KPNA5: variants seen among roughly 807,000 people sequenced by gnomAD.
KPNA5 encodes karyopherin subunit alpha 5.
Under a neutral mutation model 71.3 loss-of-function variants are expected in KPNA5, and 46 were observed. The ratio of observed to expected loss-of-function variants is 0.65; its 90% CI spans 0.51 to 0.83. The LOEUF (loss-of-function observed/expected upper bound fraction) is 0.83. Among genes scored for constraint, KPNA5 ranks in the 40% least tolerant of loss-of-function variants. The pLI, the probability that KPNA5 is intolerant of heterozygous loss-of-function variation, is 0.00. For synonymous variants in KPNA5, 207 were observed against 201.4 expected (o/e 1.03, Z -0.24); for missense variants, 547 against 628.3 (o/e 0.87, Z 1.38).
In KPNA5 at chr6:116,738,574, T is replaced by C; in HGVS notation, c.*6251T>C. The C allele has an allele frequency of 6.6e-6, 1 of 152,136 alleles. No individual in the cohort carries two copies. The highest frequency in any genetic ancestry group is 1.9e-4 in the East Asian group (1 of 5,194). The allele number at this position is 152,136 out of a possible 1,614,324, so 9.4% of individuals were successfully genotyped here. On this transcript the variant is annotated 3_prime_UTR_variant, in exon 14 of 14. Transcript: ENST00000368564. ...AAAGAGAATTTTAGACCAATATCCTTGGTGAACATTGATGCAAAAATCCTC... is the reference window on the plus strand; with the variant it reads ...AAAGAGAATTTTAGACCAATATCCTCGGTGAACATTGATGCAAAAATCCTC...
In KPNA5 at chr6:116,698,703, G is replaced by T; in HGVS notation, c.341-1G>T. The T allele has an allele frequency of 6.4e-7, 1 of 1,558,118 alleles. No individual in the cohort carries two copies. Among genetic ancestry groups the T allele is most frequent in the South Asian group, 1.2e-5 (1 of 85,386 alleles). ...TAACTGAAGTCTTTTTAAATTTTTA[G>T]AACCTAATCCACCAATAGATCAAGT... On this transcript the variant is annotated splice_acceptor_variant, in intron 4 of 13. Coordinates refer to ENST00000368564, the MANE Select transcript of KPNA5 (RefSeq NM_001366306.2). LOFTEE classifies it high-confidence loss of function.
rs1323179357 is a variant in KPNA5, at chr6:116,735,221, C to T, written c.*2898C>T. 2 of 151,588 alleles carry T rather than the reference C, an allele frequency of 1.3e-5. No individual in the cohort carries two copies. Among genetic ancestry groups the T allele is most frequent in the Admixed American group, 1.3e-4 (2 of 15,158 alleles). The allele number at this position is 151,588 out of a possible 1,614,324, so 9.4% of individuals were successfully genotyped here. The stretch of plus-strand genomic sequence containing the variant: ...ACATATCATTTGGTAACTGTAAAAC[C>T]TATTTGCAGTTAAAGGTTGATTTAT... On this transcript the variant is annotated 3_prime_UTR_variant, in exon 14 of 14. Coordinates refer to ENST00000368564, the MANE Select transcript of KPNA5 (RefSeq NM_001366306.2).
rs1311280837 is a variant in KPNA5 at position 116,734,126 on chromosome 6, A to G, written c.*1803A>G. 20 of 151,774 alleles carry G rather than the reference A, an allele frequency of 1.3e-4. No homozygotes were observed. Among genetic ancestry groups the G allele is most frequent in the East Asian group, 1.9e-4 (1 of 5,200 alleles). The allele number at this position is 151,774 out of a possible 1,614,324, so 9.4% of individuals were successfully genotyped here. On this transcript the variant is annotated 3_prime_UTR_variant, in exon 14 of 14. Transcript: ENST00000368564. ...TGTATTCAAAAAACAGGGTAGTTAT[A>G]TTAAAGCTTACCAAATTGATGGTGA... is the stretch of plus-strand genomic sequence containing the variant.
intron 6 of KPNA5, among the ~76,000 whole-genome samples, chr6:116,702,794 G>A (rs989003820): frequency 6.6e-6 from 1 of 152,118 alleles, no homozygotes; most frequent in African/African-American, 2.4e-5. Flanking sequence ...AGATTATTTT[G>A]TTGTTTGTTT....
chr6:116,732,077 TATATATATA>T (rs1562458642), intron 13 of KPNA5, 50 bp from the exon 14 acceptor site: 2,175 of 144,732 alleles, frequency 0.015, 180 homozygotes, highest in African/African-American at 0.043. Context: ...AGTTTGTTTA[TATATATATA>T]TATATATATA....
chr6:116,685,864 C>T (rs1054699798), intron 1 of KPNA5, among the ~76,000 whole-genome samples: 1 of 152,170 alleles, frequency 6.6e-6, no homozygotes, highest in African/African-American at 2.4e-5. Context: ...AATTGCCACA[C>T]TGCTTTCCAC....
chr6:116,708,619 G>A (rs970473386), intron 7 of KPNA5, among the ~76,000 whole-genome samples: 3 of 152,038 alleles, frequency 2.0e-5, no homozygotes, highest in Non-Finnish European at 4.4e-5. Flanking sequence ...ACAACATTTT[G>A]TAGATTTTAG....
At chr6:116,723,564 G>A (rs952792749) in intron 9 of KPNA5, among the ~76,000 whole-genome samples, 23 of 152,082 alleles carry the variant, frequency 1.5e-4, no homozygotes, top group African/African-American at 4.8e-4. Flanking sequence ...CTATTTGAAG[G>A]GGTTCTCACT....
chr6:116,736,987 G>C lies in KPNA5; in HGVS notation c.*4664G>C. On this transcript the variant is annotated 3_prime_UTR_variant, in exon 14 of 14. Coordinates refer to ENST00000368564, the MANE Select transcript of KPNA5 (RefSeq NM_001366306.2). ...AGCAAGTATAATAGCTGTTTGAATGGCCTTGCTACTAATTCTGTCATTTCT... is the reference window on the plus strand; with the variant it reads ...AGCAAGTATAATAGCTGTTTGAATGCCCTTGCTACTAATTCTGTCATTTCT... 1 of 151,694 alleles carries C rather than the reference G, an allele frequency of 6.6e-6. No homozygotes were observed. Among genetic ancestry groups the C allele is most frequent in the East Asian group, 1.9e-4 (1 of 5,180 alleles). The allele number at this position is 151,694 out of a possible 1,614,324, so 9.4% of individuals were successfully genotyped here.
intron 8 of KPNA5, among the ~76,000 whole-genome samples, chr6:116,717,479 C>A (rs917231331): frequency 6.6e-6 from 1 of 152,004 alleles, no homozygotes; most frequent in African/African-American, 2.4e-5. Context: ...ACTGTGGTAC[C>A]GGTGGAAGGT....
intron 8 of KPNA5, among the ~76,000 whole-genome samples, chr6:116,716,837 TA>T (rs1341040956): frequency 1.3e-5 from 2 of 152,164 alleles, no homozygotes; most frequent in African/African-American, 4.8e-5. Flanking sequence ...ATTTAGTATC[TA>T]AAATGGCACA....
At chr6:116,723,568 T>C (rs1779193160) in intron 9 of KPNA5, among the ~76,000 whole-genome samples, 2 of 152,190 alleles carry the variant, frequency 1.3e-5, no homozygotes, top group Admixed American at 1.3e-4. Context: ...TTGAAGGGGT[T>C]CTCACTATCC....
Position 116,726,636 on chromosome 6 carries a change from T to C in KPNA5, c.1253+14T>C. On this transcript the variant is annotated intron_variant, in intron 12 of 13. Coordinates refer to ENST00000368564, the MANE Select transcript of KPNA5 (RefSeq NM_001366306.2). ...AGAGCAAATAAGGTATGATATAAAC[T>C]TCTTAATTGTTTTTTACATGTAAAT... The C allele has an allele frequency of 6.5e-7, 1 of 1,539,566 alleles. No homozygotes were observed. Among genetic ancestry groups the C allele is most frequent in the Non-Finnish European group, 8.7e-7 (1 of 1,150,126 alleles).
rs1482310017 is a variant in KPNA5, at chr6:116,722,146, C to T, written c.777C>T (p.Val259=). 7 of 1,587,964 alleles carry T rather than the reference C, an allele frequency of 4.4e-6. No individual in the cohort carries two copies. The highest frequency in any genetic ancestry group is 6.0e-6 in the Non-Finnish European group (7 of 1,166,246). Residue 259 remains valine (V), a synonymous_variant, in exon 9 of 14, where the codon GTC becomes GTT. Transcript: ENST00000368564. The stretch of plus-strand genomic sequence containing the variant: ...TACAGGTTTCACCTTGCTTAAATGT[C>T]CTGTCACGACTGTTGTTTAGCAGTG... ...NFSKVSPCLN[V]LSRLLFSSDP... is the part of the protein sequence containing the mutation.
chr6:116,709,215 A>C (rs1018601505), intron 7 of KPNA5, among the ~76,000 whole-genome samples: 7 of 152,204 alleles, frequency 4.6e-5, no homozygotes, highest in African/African-American at 1.7e-4. Flanking sequence ...ATTGCTGAGC[A>C]TAATGGCACA....
At chr6:116,712,703 G>A (rs553125757) in intron 7 of KPNA5, among the ~76,000 whole-genome samples, 28 of 152,196 alleles carry the variant, frequency 1.8e-4, no homozygotes, top group African/African-American at 6.0e-4. Flanking sequence ...GGCCTCAAGC[G>A]ATTCTCCTGC....
In KPNA5 at chr6:116,692,144, A is replaced by G. The variant is rs940120003; in HGVS notation, c.228A>G (p.Val76=). 6.2e-7 allele frequency: 1 copy of G among 1,604,742 alleles called. No individual in the cohort carries two copies. Among genetic ancestry groups the G allele is most frequent in the African/African-American group, 1.3e-5 (1 of 74,716 alleles). Residue 76 remains valine (V), a synonymous_variant, in exon 3 of 14, where the codon GTA becomes GTG. Coordinates refer to ENST00000368564, the MANE Select transcript of KPNA5 (RefSeq NM_001366306.2). ...AGGATCCAGATATTAGTTCCACTGT[A>G]CCCATTCCAGAGGTATACTTTACCA... The part of the protein sequence containing the change: ...PIQDPDISST[V]PIPEEEVVTT...
At position 116,711,500 on chromosome 6, in the gene KPNA5, TG is replaced by T. The variant is rs200688913; in HGVS notation, c.657-4718del. On this transcript the variant is annotated intron_variant, in intron 7 of 13. Transcript: ENST00000368564. ...TCACTACATCCCTTAAGTTTTGGTG[TG>T]TTTTTTTTTTTATTTATCTCAAAGT... Among the ~76,000 whole-genome samples, 614 of 151,228 alleles carry T rather than the reference TG, an allele frequency of 4.1e-3. 4 individuals carry two copies. The highest frequency in any genetic ancestry group is 0.014 in the African/African-American group (576 of 41,292).
chr6:116,717,792 GC>G (rs547050755), intron 8 of KPNA5, among the ~76,000 whole-genome samples: 4 of 152,188 alleles, frequency 2.6e-5, no homozygotes, highest in African/African-American at 9.6e-5. Context: ...CATGTCCAGT[GC>G]CCTCCTTACA....
Sources: gnomAD v4.1 joint callset for allele counts (sites outside exome capture counted in the v4.1 genomes callset) on GRCh38, gnomAD v4.1.1 for gene constraint, MANE v1.5 for transcripts, NCBI Gene and HGNC (gene_info 2026-07-23, HGNC 2026-07-21) for gene names.